The following THBS2 variants were observed in gnomAD, a reference collection of about 807,000 sequenced individuals.
The protein encoded by THBS2 is thrombospondin 2.
A neutral mutation model predicts 135.2 loss-of-function variants in THBS2; 47 were observed. The ratio of observed to expected loss-of-function variants is 0.35; its 90% CI spans 0.28 to 0.44. THBS2 has a LOEUF of 0.44. THBS2 is among the 20% of genes least tolerant of loss of function. THBS2 has a pLI of 1.00. For synonymous variants in THBS2, 639 were observed against 633.8 expected (o/e 1.01, Z -0.12); for missense variants, 1,288 against 1,603.1 (o/e 0.80, Z 3.36).
intron 21 of THBS2, among the ~76,000 whole-genome samples, chr6:169,218,359 T>G (rs1195632252): frequency 7.6e-6 from 1 of 132,082 alleles, no homozygotes; most frequent in South Asian, 2.6e-4. Context: ...TGAGATGAAT[T>G]GATGGATGGA....
Position 169,253,834 on chromosome 6 carries a change from G to T in THBS2, c.-133C>A, listed in dbSNP as rs1213045262. ...CCGGCCCTGCAGTGCAGGATGCTCC[G>T]GTGGACGTGGCCGAGCGGCTCCCGG... On this transcript the variant is annotated 5_prime_UTR_variant, in exon 1 of 22. Transcript: ENST00000617924. The T allele has an allele frequency of 6.6e-6, 1 of 152,380 alleles. No individual in the cohort carries two copies. The highest frequency in any genetic ancestry group is 1.5e-5 in the Non-Finnish European group (1 of 68,062). The allele number at this position is 152,380 out of a possible 1,614,324, so 9.4% of individuals were successfully genotyped here.
At chr6:169,224,409 G>A (rs553570115) in intron 17 of THBS2, among the ~76,000 whole-genome samples, 20 of 152,314 alleles carry the variant, frequency 1.3e-4, no homozygotes, top group African/African-American at 4.3e-4. Flanking sequence ...TGCTGCTCGG[G>A]GAGAACACAG....
chr6:169,239,716 G>A, intron 6 of THBS2, 21 bp from the exon 7 acceptor site: 2 of 1,556,132 alleles, frequency 1.3e-6, no homozygotes, highest in Non-Finnish European at 1.7e-6. Flanking sequence ...AGAAAGGCAT[G>A]CATGGAACAC....
chr6:169,217,703 G>T lies in THBS2; in HGVS notation c.*119C>A. ...TGGCAGGAGGTGAAGAACCATCAGA[G>T]TTAAGGTCAAGGGACAGGAGGTGCT... On this transcript the variant is annotated 3_prime_UTR_variant, in exon 22 of 22. Coordinates refer to ENST00000617924, the MANE Select transcript of THBS2 (RefSeq NM_003247.5). The T allele has an allele frequency of 8.5e-7, 1 of 1,171,166 alleles. No homozygotes were observed. Among genetic ancestry groups the T allele is most frequent in the Non-Finnish European group, 1.2e-6 (1 of 829,508 alleles). The allele number at this position is 1,171,166 out of a possible 1,614,324, so 72.5% of individuals were successfully genotyped here. A position where few individuals can be genotyped will look rare whatever the true frequency, so the allele number is the denominator to read the frequency against.
chr6:169,223,992 T>C (rs1318587431), intron 17 of THBS2, among the ~76,000 whole-genome samples: 1 of 152,112 alleles, frequency 6.6e-6, no homozygotes, highest in South Asian at 2.1e-4. Flanking sequence ...GGTTGTGGCA[T>C]GGTGGGGAGT....
At chr6:169,224,672 C>A (rs921250831) in intron 17 of THBS2, among the ~76,000 whole-genome samples, 1 of 152,156 alleles carries the variant, frequency 6.6e-6, no homozygotes, top group African/African-American at 2.4e-5. Context: ...TCCTTGGGCC[C>A]CCGTGGCTAT....
At chr6:169,223,187 T>A in intron 18 of THBS2, 61 bp downstream of exon 18, 1 of 1,512,690 alleles carries the variant, frequency 6.6e-7, no homozygotes, top group Non-Finnish European at 9.1e-7. Flanking sequence ...GCAGTCTGCA[T>A]CTTCTGTGGG....
chr6:169,232,923 C>T lies in THBS2; in HGVS notation c.1746G>A (p.Leu582=), dbSNP rs773209271. The change falls in exon 11 of 22, where the codon TTG becomes TTA. Residue 582 remains leucine, a synonymous_variant. Transcript: ENST00000617924. ...WSCGSCPVGF[L]GNGTHCEDLD... ...GGTCCTCACAGTGGGTGCCATTGCC[C>T]AAGAAGCCCACAGGGCAGGAGCCGC... 7.0e-6 allele frequency: 11 copies of T among 1,582,418 alleles called. No individual in the cohort carries two copies. Among genetic ancestry groups the T allele is most frequent in the Non-Finnish European group, 9.4e-6 (11 of 1,164,814 alleles).
intron 13 of THBS2, 44 bp from the exon 14 acceptor site, chr6:169,229,723 A>G (rs1167192069): frequency 1.3e-6 from 2 of 1,523,312 alleles, no homozygotes; most frequent in Admixed American, 1.7e-5. Flanking sequence ...CATTTAGGAA[A>G]GCGCCTCTTT....
rs10280 is a variant in THBS2 at position 169,217,335 on chromosome 6, T to C, written c.*487A>G. On this transcript the variant is annotated 3_prime_UTR_variant, in exon 22 of 22. Transcript: ENST00000617924. ...TGACCCTTGTTTATAATTTATTTAA[T>C]GGGATTTGTGTGTCATTGTAGAGCA... 0.62 allele frequency: 95,327 copies of C among 154,348 alleles called. 30,237 individuals are homozygous for C. Among genetic ancestry groups the C allele is most frequent in the African/African-American group, 0.74 (30,925 of 41,544 alleles). 9.6% of individuals were successfully genotyped at this position (154,348 alleles called of 1,614,324 possible).
intron 4 of THBS2, among the ~76,000 whole-genome samples, chr6:169,243,252 G>A (rs10945407): frequency 0.4 from 60,952 of 151,524 alleles, 12,972 homozygotes; most frequent in East Asian, 0.61. Context: ...GCCCTAGATC[G>A]TGGGACCTGG....
Position 169,241,712 on chromosome 6 carries a change from C to A in THBS2, c.891+50G>T, listed in dbSNP as rs757448793. On this transcript the variant is annotated intron_variant, in intron 5 of 21. Coordinates refer to ENST00000617924, the MANE Select transcript of THBS2 (RefSeq NM_003247.5). The surrounding 1 kb of genome is among the most constrained non-coding windows in gnomAD (Gnocchi z 5.5). ...GATACCTGCTGAGATGGGCCAGCGG[C>A]GGAGCTGCCCATGCCCTATGACCCC... The A allele has an allele frequency of 3.9e-6, 6 of 1,536,086 alleles. No individual in the cohort carries two copies. The highest frequency in any genetic ancestry group is 4.4e-6 in the Non-Finnish European group (5 of 1,130,660).
At chr6:169,219,826 C>T (rs777913375) in intron 21 of THBS2, 6 of 499,584 alleles carry the variant, frequency 1.2e-5, no homozygotes, top group South Asian at 8.6e-5. Flanking sequence ...AGAGAAACTC[C>T]TTCCTTCCTT....
rs1779376348 is a variant in THBS2 at position 169,220,311 on chromosome 6, A to G, written c.3398T>C (p.Val1133Ala). 1 of 1,613,278 alleles carries G rather than the reference A, an allele frequency of 6.2e-7. No individual in the cohort carries two copies. Among genetic ancestry groups the G allele is most frequent in the African/African-American group, 1.3e-5 (1 of 74,896 alleles). Residue 1133 changes from valine to alanine, a missense_variant, in exon 21 of 22, where the codon GTC (valine) becomes GCC (alanine). Physicochemically the swap from Val to Ala is moderately conservative, Grantham distance 64. Around this residue, in one of 2 missense-constraint regions of THBS2, gnomAD observed 874 missense variants for 1,156.1 expected, o/e 0.76. Coordinates refer to ENST00000617924, the MANE Select transcript of THBS2 (RefSeq NM_003247.5). The part of the protein sequence containing the change: ...IRVLVHEGKQ[V>A]MADSGPIYDQ... ...ATAGATAGGTCCTGAGTCTGCCATG[A>G]CCTGTTTTCCTTCATGCACTAAGAC...
At position 169,226,059 on chromosome 6, in the gene THBS2, G is replaced by A. The variant is rs563060721; in HGVS notation, c.2538+121C>T. 18 of 1,097,896 alleles carry A rather than the reference G, an allele frequency of 1.6e-5. No individual in the cohort carries two copies. In the African/African-American group the frequency reaches 2.3e-4, roughly 14 times the overall value. The allele number at this position is 1,097,896 out of a possible 1,614,324, so 68.0% of individuals were successfully genotyped here. A position where few individuals can be genotyped will look rare whatever the true frequency, so the allele number is the denominator to read the frequency against. On this transcript the variant is annotated intron_variant, in intron 16 of 21. Coordinates refer to ENST00000617924, the MANE Select transcript of THBS2 (RefSeq NM_003247.5). The stretch of plus-strand genomic sequence containing the variant: ...ACCTGAGACCCGCCTGCCCATGGCT[G>A]CCCTCATCTGGTCAGGGTTGTGCAC...
intron 14 of THBS2, among the ~76,000 whole-genome samples, chr6:169,228,752 C>A (rs1779726847): frequency 1.3e-5 from 2 of 152,010 alleles, no homozygotes; most frequent in African/African-American, 4.8e-5. Context: ...GGTGAAACCC[C>A]ATCTCTCCTA....
At chr6:169,219,340 GTGGA>G (rs1311804019) in intron 21 of THBS2, among the ~76,000 whole-genome samples, 131 of 55,798 alleles carry the variant, frequency 2.3e-3, no homozygotes, top group Non-Finnish European at 4.1e-3. Context: ...GTGTGGGTGG[GTGGA>G]TGGATGGATG....
At chr6:169,226,709 C>T (rs1202307955) in intron 15 of THBS2, among the ~76,000 whole-genome samples, 1 of 152,174 alleles carries the variant, frequency 6.6e-6, no homozygotes, top group African/African-American at 2.4e-5. Context: ...CAGAGAGTGG[C>T]AGGGTTTTTA....
At chr6:169,225,056 A>T in intron 17 of THBS2, 89 bp downstream of exon 17, 1 of 1,288,388 alleles carries the variant, frequency 7.8e-7, no homozygotes, top group Non-Finnish European at 1.1e-6. Flanking sequence ...CAGCAGATTT[A>T]AGATGATCTC....
Sources: gnomAD v4.1 joint callset for allele counts (sites outside exome capture counted in the v4.1 genomes callset) on GRCh38, gnomAD v4.1.1 for gene constraint, gnomAD v4.1.1 regional missense constraint, Gnocchi (gnomAD v3.1) non-coding constraint, MANE v1.5 for transcripts, NCBI Gene and HGNC (gene_info 2026-07-23, HGNC 2026-07-21) for gene names.